The following CHM variants were observed in gnomAD, a reference collection of about 807,000 sequenced individuals.
The protein encoded by CHM is CHM Rab escort protein.
CHM carries 10 observed loss-of-function variants against 49.0 expected under a neutral mutation model. The ratio of observed to expected loss-of-function variants is 0.20; its 90% CI spans 0.13 to 0.35. The LOEUF (loss-of-function observed/expected upper bound fraction) is 0.35, where lower values mean the gene tolerates loss of function less well. Ranked by LOEUF, CHM falls within the 10% of genes least tolerant of loss-of-function variation. The probability of loss-of-function intolerance (pLI) is 1.00; values close to 1 mark genes in which losing one functional copy is unlikely to be tolerated. For synonymous variants in CHM, 184 were observed against 167.5 expected, an observed-to-expected ratio of 1.10 and a Z score of -0.76; for missense variants, 455 against 478.4, an observed-to-expected ratio of 0.95 and a Z score of 0.46.
intron 2 of CHM, among the ~76,000 whole-genome samples, chrX:85,996,278 C>T (rs779937353): frequency 1.8e-5 from 2 of 112,052 alleles, no homozygotes; most frequent in Admixed American, 9.5e-5. Flanking sequence ...TTTGTCCTTT[C>T]ATTACTGAAG....
intron 4 of CHM, 195 bp downstream of exon 4, chrX:85,978,572 G>T: frequency 3.1e-6 from 1 of 318,941 alleles, no homozygotes; most frequent in Non-Finnish European, 5.6e-6. Context: ...TGGTAAATTC[G>T]GAGGCGTTAA....
rs1930084200 is a variant in CHM at position 85,957,869 on chromosome X, G to A, written c.926C>T (p.Pro309Leu). 2 of 1,206,001 alleles carry A rather than the reference G, an allele frequency of 1.7e-6. No homozygotes were observed. The highest frequency in any genetic ancestry group is 2.2e-6 in the Non-Finnish European group (2 of 892,013). Residue 309 changes from proline to leucine, a missense_variant, in exon 7 of 15, where the codon CCT (proline) becomes CTT (leucine). Physicochemically the swap from Pro to Leu is moderately conservative, Grantham distance 98 (BLOSUM62 -3). Coordinates refer to ENST00000357749, the MANE Select transcript of CHM (RefSeq NM_000390.4). ...GAAAAAAATACCTTTATATTCATCA[G>A]GATATTTCTCATATTCCATACAAAA... ...LTFCMEYEKY[P>L]DEYKGYEEIT...
chrX:85,879,883 C>A lies in CHM; in HGVS notation c.1511-820G>T, dbSNP rs1447568092. Among the ~76,000 whole-genome samples, 3 of 109,477 alleles carry A rather than the reference C, an allele frequency of 2.7e-5. No individual in the cohort carries two copies. The South Asian group carries it at 1.2e-3, about 44-fold the overall frequency. ...ACCAGTACCGAGAAATTCCTCCCCC[C>A]ACTATATTAGTAGGGGGAGAAAGAT... is the stretch of plus-strand genomic sequence containing the variant. On this transcript the variant is annotated intron_variant, in intron 12 of 14. Transcript: ENST00000357749.
chrX:85,927,794 ATT>A (rs1928180882), intron 8 of CHM, among the ~76,000 whole-genome samples: 1 of 111,967 alleles, frequency 8.9e-6, no homozygotes, highest in African/African-American at 3.2e-5. Context: ...AGTTGTCAAA[ATT>A]TTTGGCTGGT....
At chrX:85,903,559 G>A (rs1926408965) in intron 9 of CHM, 6 of 385,551 alleles carry the variant, frequency 1.6e-5, no homozygotes, top group Admixed American at 7.6e-5. Flanking sequence ...CATACCAGGA[G>A]AAGATACTAA....
intron 12 of CHM, among the ~76,000 whole-genome samples, chrX:85,892,405 G>C (rs945408498): frequency 2.7e-5 from 3 of 110,520 alleles, no homozygotes; most frequent in African/African-American, 9.9e-5. Context: ...AATCATGGGG[G>C]CCGGTCTTTC....
intron 4 of CHM, chrX:85,970,235 C>A (rs1930818836): frequency 2.7e-6 from 2 of 732,035 alleles, no homozygotes; most frequent in African/African-American, 4.7e-5. Context: ...TTTAAAAAAT[C>A]CCATGGCATA....
chrX:86,032,416 G>A (rs1934077560), intron 1 of CHM, among the ~76,000 whole-genome samples: 1 of 110,802 alleles, frequency 9.0e-6, no homozygotes. Flanking sequence ...CATGTCACTG[G>A]CATTCAGTAA....
At chrX:86,045,991 G>A (rs1326093059) in intron 1 of CHM, among the ~76,000 whole-genome samples, 1 of 112,166 alleles carries the variant, frequency 8.9e-6, no homozygotes, top group East Asian at 2.8e-4. Flanking sequence ...CAGGTTATTT[G>A]CAGCCATGCA....
At chrX:85,964,216 G>T (rs942711686) in intron 4 of CHM, among the ~76,000 whole-genome samples, 164 bp from the exon 5 acceptor site, 8 of 111,192 alleles carry the variant, frequency 7.2e-5, no homozygotes, top group Middle Eastern at 4.6e-3. Flanking sequence ...AAGATATAAA[G>T]ATTTCATGTC....
At chrX:85,912,356 A>T (rs983153943) in intron 8 of CHM, among the ~76,000 whole-genome samples, 7 of 111,569 alleles carry the variant, frequency 6.3e-5, no homozygotes, top group African/African-American at 1.6e-4. Context: ...ATGAGTTTAT[A>T]ATCTAAAATT....
Position 85,862,436 on chromosome X carries a change from CA to C in CHM, c.*2193del, listed in dbSNP as rs1923406132. ...CCTTTTATAATATATTGCTGATATC[CA>C]GGGGCAAGGCCAATATCCGGTACAT... On this transcript the variant is annotated 3_prime_UTR_variant, in exon 15 of 15. Coordinates refer to ENST00000357749, the MANE Select transcript of CHM (RefSeq NM_000390.4). 2 of 112,364 alleles carry C rather than the reference CA, an allele frequency of 1.8e-5. No homozygotes were observed. Among genetic ancestry groups the C allele is most frequent in the South Asian group, 3.7e-4 (1 of 2,696 alleles). 9.3% of individuals were successfully genotyped at this position (112,364 alleles called of 1,213,427 possible). A position where few individuals can be genotyped will look rare whatever the true frequency, so the allele number is the denominator to read the frequency against.
intron 8 of CHM, among the ~76,000 whole-genome samples, chrX:85,921,710 G>A (rs771088466): frequency 1.8e-5 from 2 of 112,151 alleles, no homozygotes; most frequent in Admixed American, 1.9e-4. Context: ...TACATGTCAC[G>A]AGACACTGTA....
In CHM at chrX:85,923,770, T is replaced by C. The variant is rs1304954550; in HGVS notation, c.1167-12432A>G. ...AAAACAGGATAAGGTGAAGGTGATA[T>C]GGGGGTTGGAACATTAGACAGGGTA... On this transcript the variant is annotated intron_variant, in intron 8 of 14. Transcript: ENST00000357749. Among the ~76,000 whole-genome samples the C allele has an allele frequency of 1.8e-5, 2 of 110,746 alleles. 1 individual carries two copies. The highest frequency in any genetic ancestry group is 3.8e-5 in the Non-Finnish European group (2 of 52,945).
chrX:86,044,765 A>G (rs1414699538), intron 1 of CHM, among the ~76,000 whole-genome samples: 1 of 111,355 alleles, frequency 9.0e-6, no homozygotes, highest in South Asian at 3.8e-4. Context: ...CTTACCACAT[A>G]TATCTATTTT....
intron 2 of CHM, among the ~76,000 whole-genome samples, chrX:85,999,696 C>T (rs1280740876): frequency 2.7e-5 from 3 of 111,293 alleles, no homozygotes; most frequent in South Asian, 3.7e-4. Context: ...TTCACGTGTC[C>T]GCAGCTCATT....
At chrX:85,984,275 A>G (rs1455922663) in intron 2 of CHM, among the ~76,000 whole-genome samples, 8 of 112,137 alleles carry the variant, frequency 7.1e-5, no homozygotes, top group Non-Finnish European at 1.1e-4. Flanking sequence ...TTTCAACTTA[A>G]TAAGACAGAT....
At chrX:86,044,535 T>C (rs1934586777) in intron 1 of CHM, among the ~76,000 whole-genome samples, 1 of 112,212 alleles carries the variant, frequency 8.9e-6, no homozygotes, top group African/African-American at 3.2e-5. Flanking sequence ...CCATCTTGAC[T>C]GCTCTTCTGT....
chrX:85,992,436 T>C (rs1351462058), intron 2 of CHM, among the ~76,000 whole-genome samples: 1 of 112,066 alleles, frequency 8.9e-6, no homozygotes. Context: ...CAATATACTA[T>C]GGACATTAAA....
Sources: allele counts gnomAD v4.1 joint callset (sites outside exome capture counted in the v4.1 genomes callset), GRCh38; gene constraint gnomAD v4.1.1; transcripts MANE v1.5; gene names NCBI Gene and HGNC (gene_info 2026-07-23, HGNC 2026-07-21).